Variants in MSRA observed in about 807,000 individuals in gnomAD.
MSRA encodes the protein methionine sulfoxide reductase A, also known as mitochondrial peptide methionine sulfoxide reductase.
In MSRA, 54 loss-of-function variants were observed where a neutral mutation model predicts 31.3. The ratio of observed to expected loss-of-function variants is 1.73; its 90% confidence interval spans 1.39 to 2.17. The LOEUF (loss-of-function observed/expected upper bound fraction) is 2.17. MSRA is among the 30% of genes most tolerant of loss of function. The pLI, the probability that MSRA is intolerant of heterozygous loss-of-function variation, is 0.00. For synonymous variants in MSRA, 169 were observed against 116.5 expected (o/e 1.45, Z -2.90); for missense variants, 507 against 300.9 (o/e 1.69, Z -5.07).
chr8:10,124,578 A>G (rs1378371293), intron 1 of MSRA, among the ~76,000 whole-genome samples: 5 of 152,350 alleles, frequency 3.3e-5, no homozygotes, highest in East Asian at 1.9e-4. Flanking sequence ...GATATTAAAT[A>G]AGTTTCCTTT....
At chr8:10,307,646 T>G (rs1404048389) in intron 4 of MSRA, among the ~76,000 whole-genome samples, 1 of 152,224 alleles carries the variant, frequency 6.6e-6, no homozygotes, top group Non-Finnish European at 1.5e-5. Context: ...CATAATGCAT[T>G]CTCCAGGCTC....
chr8:10,366,520 C>G (rs1305165470), intron 5 of MSRA, among the ~76,000 whole-genome samples: 1 of 152,212 alleles, frequency 6.6e-6, no homozygotes, highest in Non-Finnish European at 1.5e-5. Flanking sequence ...TCAGCTGGGT[C>G]TTGATGTGAG....
At chr8:10,149,221 A>T (rs895774414) in intron 1 of MSRA, among the ~76,000 whole-genome samples, 4 of 151,720 alleles carry the variant, frequency 2.6e-5, no homozygotes, top group African/African-American at 4.8e-5. Flanking sequence ...TCCCGGGTTC[A>T]AGCAATTCTC....
At chr8:10,108,041 G>A (rs1360929712) in intron 1 of MSRA, among the ~76,000 whole-genome samples, 1 of 152,082 alleles carries the variant, frequency 6.6e-6, no homozygotes, top group Non-Finnish European at 1.5e-5. Flanking sequence ...AGAATATAGG[G>A]GTCGTTGTCT....
chr8:10,213,297 G>A (rs1394637037), intron 2 of MSRA, among the ~76,000 whole-genome samples: 1 of 152,008 alleles, frequency 6.6e-6, no homozygotes, highest in East Asian at 1.9e-4. Context: ...AACATGTGAT[G>A]TTTGTCTTTT....
intron 1 of MSRA, among the ~76,000 whole-genome samples, chr8:10,161,380 G>C (rs1158574472): frequency 6.6e-6 from 1 of 152,138 alleles, no homozygotes; most frequent in African/African-American, 2.4e-5. Context: ...ATCTTCATTA[G>C]GTACTTGGGT....
intron 3 of MSRA, among the ~76,000 whole-genome samples, chr8:10,280,837 A>G (rs1799584102): frequency 6.6e-6 from 1 of 152,260 alleles, no homozygotes; most frequent in Non-Finnish European, 1.5e-5. Context: ...AACAGCGTGA[A>G]CTACTAATGC....
chr8:10,155,002 T>TTTTTTATATATA (rs1554468812), intron 1 of MSRA, among the ~76,000 whole-genome samples: 1 of 123,900 alleles, frequency 8.1e-6, no homozygotes, highest in African/African-American at 3.2e-5. Context: ...TGTATATATT[T>TTTTTTATATATA]TATATATATA....
chr8:10,194,153 C>A (rs766401928), intron 1 of MSRA, among the ~76,000 whole-genome samples: 2 of 152,168 alleles, frequency 1.3e-5, no homozygotes, highest in Non-Finnish European at 2.9e-5. Context: ...CACTCTCCCC[C>A]TCTCTCCTCC....
chr8:10,146,197 C>G (rs868782785), intron 1 of MSRA, among the ~76,000 whole-genome samples: 5 of 152,088 alleles, frequency 3.3e-5, no homozygotes, highest in African/African-American at 1.2e-4. Flanking sequence ...AAGGAAGAAC[C>G]CATATTTGCT....
At chr8:10,268,257 C>G (rs939542660) in intron 3 of MSRA, among the ~76,000 whole-genome samples, 4 of 152,178 alleles carry the variant, frequency 2.6e-5, no homozygotes, top group African/African-American at 9.6e-5. Context: ...CACTTTTAAA[C>G]AAAATGGGAA....
chr8:10,187,188 C>T (rs757579846), intron 1 of MSRA, among the ~76,000 whole-genome samples: 1 of 152,150 alleles, frequency 6.6e-6, no homozygotes, highest in African/African-American at 2.4e-5. Flanking sequence ...GCTGATTGAG[C>T]CCCCTTTGAC....
At chr8:10,219,530 C>A (rs1810293738) in intron 2 of MSRA, among the ~76,000 whole-genome samples, 1 of 152,062 alleles carries the variant, frequency 6.6e-6, no homozygotes, top group Non-Finnish European at 1.5e-5. Flanking sequence ...TGAAATTTGG[C>A]TGGGTGCGGT....
chr8:10,105,148 A>G lies in MSRA; in HGVS notation c.142+50490A>G, dbSNP rs149797135. Reference sequence around the variant, plus strand: ...TGTTTTATTCTTACTAATTTGTATCATATTAACTAATCCTTTGTTATGCTC... The same window carrying G: ...TGTTTTATTCTTACTAATTTGTATCGTATTAACTAATCCTTTGTTATGCTC... On this transcript the variant is annotated intron_variant, in intron 1 of 5. Transcript: ENST00000317173. Among the ~76,000 whole-genome samples, 6 of 152,236 alleles carry G rather than the reference A, an allele frequency of 3.9e-5. No homozygotes were observed. The East Asian group carries it at 5.8e-4, about 15-fold the overall frequency.
chr8:10,405,874 C>T (rs1207197214), intron 5 of MSRA, among the ~76,000 whole-genome samples: 1 of 152,236 alleles, frequency 6.6e-6, no homozygotes, highest in Non-Finnish European at 1.5e-5. Context: ...CACACATACA[C>T]AATATTCACA....
intron 1 of MSRA, among the ~76,000 whole-genome samples, chr8:10,068,111 T>C (rs1240647624): frequency 6.6e-6 from 1 of 152,106 alleles, no homozygotes; most frequent in Admixed American, 6.5e-5. Context: ...GTCGAACTTT[T>C]GACCTCAAGC....
At chr8:10,118,633 G>C (rs1360081743) in intron 1 of MSRA, among the ~76,000 whole-genome samples, 1 of 152,050 alleles carries the variant, frequency 6.6e-6, no homozygotes, top group Non-Finnish European at 1.5e-5. Flanking sequence ...TCCAGCATTT[G>C]ACTCTTCCCC....
At chr8:10,175,206 C>T (rs1367747358) in intron 1 of MSRA, among the ~76,000 whole-genome samples, 5 of 152,170 alleles carry the variant, frequency 3.3e-5, no homozygotes, top group Admixed American at 6.5e-5. Context: ...ACACTGCATC[C>T]CTTCCCTGAA....
At chr8:10,314,561 T>C (rs1253938138) in intron 4 of MSRA, among the ~76,000 whole-genome samples, 1 of 152,238 alleles carries the variant, frequency 6.6e-6, no homozygotes, top group African/African-American at 2.4e-5. Context: ...TGTGGTTTTG[T>C]AAATTGGTAC....
Sources: gnomAD v4.1 joint callset for allele counts (sites outside exome capture counted in the v4.1 genomes callset) on GRCh38, gnomAD v4.1.1 for gene constraint, MANE v1.5 for transcripts, NCBI Gene and HGNC (gene_info 2026-07-23, HGNC 2026-07-21) for gene names.